VPS13A: variants seen among roughly 807,000 people sequenced by gnomAD.
VPS13A encodes the protein intermembrane lipid transfer protein VPS13A.
A neutral mutation model predicts 390.9 loss-of-function variants in VPS13A; 264 were observed. The observed-to-expected ratio is 0.68, with a 90% CI of 0.61 to 0.75. VPS13A has a LOEUF of 0.75. Among genes scored for constraint, VPS13A ranks in the 30% least tolerant of loss-of-function variants. VPS13A has a pLI of 0.00. For synonymous variants in VPS13A, 1,231 were observed against 1,227.1 expected (o/e 1.00, Z -0.07); for missense variants, 3,409 against 3,733.9 (o/e 0.91, Z 2.27).
At chr9:77,358,024 C>T in intron 56 of VPS13A, among the ~76,000 whole-genome samples, 186 bp downstream of exon 56, 1 of 139,216 alleles carries the variant, frequency 7.2e-6, no homozygotes, top group South Asian at 2.4e-4. Flanking sequence ...GGCGGAATCT[C>T]AGCTCACTGC....
At chr9:77,413,438 A>T (rs186441538) in intron 71 of VPS13A, among the ~76,000 whole-genome samples, 3 of 152,186 alleles carry the variant, frequency 2.0e-5, no homozygotes, top group East Asian at 3.9e-4. Flanking sequence ...ATAACGCCGC[A>T]TATCTACGAC....
intron 1 of VPS13A, among the ~76,000 whole-genome samples, chr9:77,197,471 A>T (rs1000941705): frequency 6.6e-6 from 1 of 152,148 alleles, no homozygotes; most frequent in Non-Finnish European, 1.5e-5. Flanking sequence ...TATAATTGTT[A>T]CATCTTTTTA....
At chr9:77,340,052 A>G (rs1830732031) in intron 48 of VPS13A, 126 bp from the exon 49 acceptor site, 7 of 1,345,246 alleles carry the variant, frequency 5.2e-6, no homozygotes, top group Middle Eastern at 2.6e-4. Flanking sequence ...TTAGAATTTA[A>G]TATTATAAAG....
intron 54 of VPS13A, among the ~76,000 whole-genome samples, chr9:77,355,770 AC>A (rs1354189982): frequency 1.3e-5 from 2 of 152,022 alleles, no homozygotes; most frequent in Non-Finnish European, 1.5e-5. Flanking sequence ...TTTATCTTAC[AC>A]CCCAGACCTA....
At chr9:77,246,386 C>A (rs1296755646) in intron 19 of VPS13A, among the ~76,000 whole-genome samples, 1 of 151,792 alleles carries the variant, frequency 6.6e-6, no homozygotes, top group Non-Finnish European at 1.5e-5. Context: ...TTGACATATT[C>A]TTTAATTTGA....
At chr9:77,274,587 A>T (rs996427374) in intron 24 of VPS13A, among the ~76,000 whole-genome samples, 4 of 152,048 alleles carry the variant, frequency 2.6e-5, no homozygotes, top group Admixed American at 6.6e-5. Flanking sequence ...AAACATTTTT[A>T]AAAATATAAT....
At chr9:77,287,457 T>C (rs888241195) in intron 31 of VPS13A, among the ~76,000 whole-genome samples, 1 of 152,146 alleles carries the variant, frequency 6.6e-6, no homozygotes, top group East Asian at 1.9e-4. Flanking sequence ...TCTCCCAAAG[T>C]GCTGTGATTA....
At chr9:77,318,784 CCTTTTA>C (rs1317036235) in intron 41 of VPS13A, among the ~76,000 whole-genome samples, 193 bp downstream of exon 41, 1 of 151,972 alleles carries the variant, frequency 6.6e-6, no homozygotes, top group Admixed American at 6.6e-5. Context: ...TGTATACATT[CCTTTTA>C]CTTTTAAAGT....
At chr9:77,258,334 G>A (rs566105710) in intron 22 of VPS13A, among the ~76,000 whole-genome samples, 100 of 152,294 alleles carry the variant, frequency 6.6e-4, no homozygotes, top group South Asian at 2.1e-3. Flanking sequence ...AGAATAGAGG[G>A]AATTAGAGAG....
chr9:77,279,124 G>C (rs1826865635), intron 26 of VPS13A, among the ~76,000 whole-genome samples: 1 of 152,222 alleles, frequency 6.6e-6, no homozygotes, highest in South Asian at 2.1e-4. Flanking sequence ...GCAAGGGCAG[G>C]GGGCCATTGT....
At chr9:77,247,602 A>T (rs1824893710) in intron 20 of VPS13A, among the ~76,000 whole-genome samples, 1 of 152,228 alleles carries the variant, frequency 6.6e-6, no homozygotes, top group African/African-American at 2.4e-5. Context: ...CAAAATGACC[A>T]ATTAAACTCT....
chr9:77,245,277 A>G (rs1824740772), intron 19 of VPS13A, among the ~76,000 whole-genome samples: 1 of 152,202 alleles, frequency 6.6e-6, no homozygotes, highest in Non-Finnish European at 1.5e-5. Flanking sequence ...GAGTACCAGA[A>G]CTTAGATTTG....
At chr9:77,384,334 A>G (rs1587701792) in intron 68 of VPS13A, among the ~76,000 whole-genome samples, 1 of 151,870 alleles carries the variant, frequency 6.6e-6, no homozygotes, top group East Asian at 1.9e-4. Flanking sequence ...TAATTTTAAT[A>G]TATTCACAAA....
Position 77,238,125 on chromosome 9 carries a change from A to C in VPS13A, c.1719A>C (p.Pro573=). The change falls in exon 18 of 72, where the codon CCA becomes CCC. Residue 573 remains proline, a synonymous_variant. Coordinates refer to ENST00000360280, the MANE Select transcript of VPS13A (RefSeq NM_033305.3). ...TCCAAATTACATTTGAGATAAATCC[A>C]TTAGATGAAACTGTTTCTCAGAGGT... The part of the protein sequence containing the change: ...SLFQITFEIN[P]LDETVSQRCI... 6.2e-7 allele frequency: 1 copy of C among 1,613,814 alleles called. No individual in the cohort carries two copies. The highest frequency in any genetic ancestry group is 8.5e-7 in the Non-Finnish European group (1 of 1,179,824).
chr9:77,397,071 C>T (rs1449483859), intron 68 of VPS13A, among the ~76,000 whole-genome samples: 1 of 152,210 alleles, frequency 6.6e-6, no homozygotes, highest in Admixed American at 6.5e-5. Context: ...TCACTGCAAC[C>T]TCTGCCTCCT....
At chr9:77,393,456 C>G (rs1050330234) in intron 68 of VPS13A, among the ~76,000 whole-genome samples, 1 of 152,190 alleles carries the variant, frequency 6.6e-6, no homozygotes, top group African/African-American at 2.4e-5. Context: ...TGAATCCTTT[C>G]CATAAGTTTT....
At chr9:77,306,414 T>TTGTGTGTGTGTGTGTGTGTG (rs60382346) in intron 34 of VPS13A, among the ~76,000 whole-genome samples, 1 of 140,878 alleles carries the variant, frequency 7.1e-6, no homozygotes, top group African/African-American at 2.7e-5. Flanking sequence ...GTGTGTGTGT[T>TTGTGTGTGTGTGTGTGTGTG]TGTGTGTGTG....
At chr9:77,213,465 C>A in intron 9 of VPS13A, 151 bp downstream of exon 9, 2 of 636,334 alleles carry the variant, frequency 3.1e-6, no homozygotes, top group Non-Finnish European at 5.5e-6. Flanking sequence ...ATGTGTGTAA[C>A]TATACACAAA....
In VPS13A at chr9:77,356,743, A is replaced by G. The variant is rs1253107323; in HGVS notation, c.7682A>G (p.Lys2561Arg). The stretch of plus-strand genomic sequence containing the variant: ...GATGTGGTTTGGGAAACAAAGCCCA[A>G]GAAGAAGGCAAGATGGAAGCCAATG... The part of the protein sequence containing the change: ...SSDVVWETKP[K>R]KKARWKPMSV... Residue 2561 changes from lysine to arginine, a missense_variant, in exon 55 of 72, where the codon AAG becomes AGG. Lys to Arg is a conservative substitution (Grantham distance 26). Around this residue, in one of 5 missense-constraint regions of VPS13A, gnomAD observed 221 missense variants for 300.7 expected, o/e 0.73. Transcript: ENST00000360280. The G allele has an allele frequency of 1.9e-6, 3 of 1,613,292 alleles. No homozygotes were observed. Among genetic ancestry groups the G allele is most frequent in the African/African-American group, 2.7e-5 (2 of 74,932 alleles).
Sources: allele counts gnomAD v4.1 joint callset (sites outside exome capture counted in the v4.1 genomes callset), GRCh38; gene constraint gnomAD v4.1.1; regional missense constraint gnomAD v4.1.1; transcripts MANE v1.5; gene names NCBI Gene and HGNC (gene_info 2026-07-23, HGNC 2026-07-21).